The following POR variants were observed in gnomAD, a reference collection of about 807,000 sequenced individuals.
The protein encoded by POR is NADPH--cytochrome P450 reductase.
POR carries 56 observed loss-of-function variants against 84.0 expected under a neutral mutation model. The ratio of observed to expected loss-of-function variants is 0.67; its 90% confidence interval spans 0.54 to 0.83. POR has a LOEUF of 0.83. Among genes scored for constraint, POR ranks in the 40% least tolerant of loss-of-function variants. The probability of loss-of-function intolerance (pLI) is 0.00; values close to 1 mark genes in which losing one functional copy is unlikely to be tolerated. For missense variants in POR, 938 were observed against 944.3 expected, an observed-to-expected ratio of 0.99 and a Z score of 0.09; for synonymous variants, 414 against 400.5, an observed-to-expected ratio of 1.03 and a Z score of -0.40.
Position 75,986,161 on chromosome 7 carries a change from C to A in POR, c.1818C>A (p.Val606=). 1 of 1,610,194 alleles carries A rather than the reference C, an allele frequency of 6.2e-7. No individual in the cohort carries two copies. Among genetic ancestry groups the A allele is most frequent in the Non-Finnish European group, 8.5e-7 (1 of 1,178,710 alleles). ...CACAGCACCACCCTTGGCCCCAGGT[C>A]TACGTCCAGCACCTGCTAAAGCAAG... The change falls in exon 15 of 16, where the codon GTC becomes GTA. Residue 606 remains valine, a splice_region_variant and synonymous_variant. Coordinates refer to ENST00000461988, the MANE Select transcript of POR (RefSeq NM_000941.3).
chr7:75,980,635 T>C, intron 5 of POR, 147 bp downstream of exon 5: 1 of 1,569,794 alleles, frequency 6.4e-7, no homozygotes, highest in Non-Finnish European at 8.6e-7. Flanking sequence ...CCCTCTCCTC[T>C]GCCCCAGACC....
chr7:75,928,933 G>A (rs1393172198), intron 1 of POR, among the ~76,000 whole-genome samples: 2 of 152,088 alleles, frequency 1.3e-5, no homozygotes, highest in Non-Finnish European at 1.5e-5. Flanking sequence ...TCAGTCTAAA[G>A]GAGCATCTTG....
Position 75,982,677 on chromosome 7 carries a change from G to A in POR, c.830+355G>A, listed in dbSNP as rs185728864. On this transcript the variant is annotated intron_variant, in intron 8 of 15. Transcript: ENST00000461988. The stretch of plus-strand genomic sequence containing the variant: ...GATAGACTTGGGGGAGAAACCTGGC[G>A]TTCCTCTCTGTGCCCTTGATGGCCC... Among the ~76,000 whole-genome samples the A allele has an allele frequency of 3.1e-3, 466 of 152,308 alleles. 4 individuals are homozygous for A. Among genetic ancestry groups the A allele is most frequent in the African/African-American group, 0.01 (436 of 41,558 alleles).
chr7:75,915,487 C>T (rs1204110144), intron 1 of POR: 4 of 152,412 alleles, frequency 2.6e-5, no homozygotes, highest in East Asian at 3.9e-4. Flanking sequence ...TATCTCAGGG[C>T]TCGGGGTCCA....
At chr7:75,927,464 AAAC>A (rs1340352828) in intron 1 of POR, among the ~76,000 whole-genome samples, 11 of 151,948 alleles carry the variant, frequency 7.2e-5, no homozygotes, top group Admixed American at 4.6e-4. Flanking sequence ...CTCAAAAAAA[AAAC>A]AACAACAAAA....
In POR at chr7:75,930,662, A is replaced by G. The variant is rs1046752524; in HGVS notation, c.-5+15483A>G. Among the ~76,000 whole-genome samples, 4 of 151,894 alleles carry G rather than the reference A, an allele frequency of 2.6e-5. No individual in the cohort carries two copies. The South Asian group carries it at 8.3e-4, about 31-fold the overall frequency. On this transcript the variant is annotated intron_variant, in intron 1 of 15. Transcript: ENST00000461988. ...CTCAGCCTCCCAAGTAGCTGGAATT[A>G]CAAGCATGTGCCACCACGCCCGTCT...
At chr7:75,953,961 G>T in intron 1 of POR, 28 bp from the exon 2 acceptor site, 1 of 1,530,508 alleles carries the variant, frequency 6.5e-7, no homozygotes, top group South Asian at 1.2e-5. Flanking sequence ...ACCCTCTGCT[G>T]ACATCTGCTG....
chr7:75,975,239 T>G (rs1788625208), intron 3 of POR, among the ~76,000 whole-genome samples: 2 of 152,218 alleles, frequency 1.3e-5, no homozygotes, highest in African/African-American at 4.8e-5. Flanking sequence ...TATCCTGATG[T>G]AAGATGTGAG....
In POR at chr7:75,937,495, AAAG is replaced by A. The variant is rs1330811482; in HGVS notation, c.-4-16490_-4-16488del. Among the ~76,000 whole-genome samples, 302 of 148,162 alleles carry A rather than the reference AAAG, an allele frequency of 2.0e-3. 4 individuals carry two copies. The highest frequency in any genetic ancestry group is 6.1e-3 in the African/African-American group (241 of 39,668). Reference sequence around the variant, plus strand: ...TCAAAAAAAAAAAAAAAAAAAAAAAAAAGAAGGCCGTGTTTGGTGGCTCACGTC... The same window carrying A: ...TCAAAAAAAAAAAAAAAAAAAAAAAAAAGGCCGTGTTTGGTGGCTCACGTC... On this transcript the variant is annotated intron_variant, in intron 1 of 15. Transcript: ENST00000461988.
chr7:75,944,061 C>A, intron 1 of POR: 1 of 267,084 alleles, frequency 3.7e-6, no homozygotes, highest in Non-Finnish European at 7.7e-6. Context: ...ACTTCATCAC[C>A]ACCTGGCGGA....
intron 5 of POR, 198 bp from the exon 6 acceptor site, chr7:75,980,850 G>A (rs1300994175): frequency 1.8e-6 from 2 of 1,097,922 alleles, no homozygotes; most frequent in Non-Finnish European, 2.5e-6. Context: ...GGGGCAGGCT[G>A]TGGGCTGCAG....
intron 1 of POR, among the ~76,000 whole-genome samples, chr7:75,936,749 A>G (rs1001954340): frequency 2.6e-5 from 4 of 151,600 alleles, no homozygotes; most frequent in Non-Finnish European, 4.4e-5. Flanking sequence ...GCAGAAGCCG[A>G]CTTCAGAACT....
chr7:75,944,320 A>G (rs1787082538), intron 1 of POR, among the ~76,000 whole-genome samples: 1 of 152,216 alleles, frequency 6.6e-6, no homozygotes, highest in African/African-American at 2.4e-5. Context: ...TGAGGCCAGG[A>G]GTTTGAGACC....
intron 1 of POR, among the ~76,000 whole-genome samples, chr7:75,939,357 C>T (rs374854934): frequency 2.6e-5 from 4 of 152,180 alleles, no homozygotes; most frequent in African/African-American, 7.2e-5. Flanking sequence ...AGCCCTCGTG[C>T]GGGTTCCAGG....
chr7:75,985,167 G>A lies in POR; in HGVS notation c.1358G>A (p.Arg453His), dbSNP rs375535318. Residue 453 changes from arginine (R) to histidine (H), a missense_variant, in exon 12 of 16, where the codon CGC (arginine) becomes CAC (histidine). Coordinates refer to ENST00000461988, the MANE Select transcript of POR (RefSeq NM_000941.3). ...GACCACCTGTGTGAGCTGCTGCCGCGCCTGCAGGCCCGCTACTACTCCATC... is the reference window on the plus strand; with the variant it reads ...GACCACCTGTGTGAGCTGCTGCCGCACCTGCAGGCCCGCTACTACTCCATC... 107 of 1,598,878 alleles carry A rather than the reference G, an allele frequency of 6.7e-5. No homozygotes were observed. The highest frequency in any genetic ancestry group is 8.2e-5 in the Non-Finnish European group (97 of 1,179,198).
At chr7:75,916,718 C>T (rs1437830076) in intron 1 of POR, among the ~76,000 whole-genome samples, 6 of 152,140 alleles carry the variant, frequency 3.9e-5, no homozygotes, top group Non-Finnish European at 5.9e-5. Context: ...TCAGGTCTAG[C>T]ACTTGAAGAA....
intron 1 of POR, 30 bp from the exon 2 acceptor site, chr7:75,953,959 C>A: frequency 6.6e-7 from 1 of 1,524,396 alleles, no homozygotes; most frequent in Non-Finnish European, 8.9e-7. Flanking sequence ...CTACCCTCTG[C>A]TGACATCTGC....
intron 1 of POR, among the ~76,000 whole-genome samples, chr7:75,926,885 A>G (rs534294465): frequency 4.1e-4 from 63 of 152,316 alleles, no homozygotes; most frequent in African/African-American, 1.4e-3. Flanking sequence ...AGCTCCACCC[A>G]GACACGAGAC....
In POR at chr7:75,917,072, C is replaced by CT. The variant is rs557927022; in HGVS notation, c.-5+1905dup. ...TAAAAATAATTTAGCTTTTAAGTAA[C>CT]TTTTTTTTTTTTGTGAGACAGGTCT... is the stretch of plus-strand genomic sequence containing the variant. On this transcript the variant is annotated intron_variant, in intron 1 of 15. Transcript: ENST00000461988. Among the ~76,000 whole-genome samples the CT allele has an allele frequency of 4.2e-3, 617 of 146,456 alleles. 3 individuals carry two copies. Among genetic ancestry groups the CT allele is most frequent in the South Asian group, 0.018 (85 of 4,636 alleles).
Sources: allele counts gnomAD v4.1 joint callset (sites outside exome capture counted in the v4.1 genomes callset), GRCh38; gene constraint gnomAD v4.1.1; transcripts MANE v1.5; gene names NCBI Gene and HGNC (gene_info 2026-07-23, HGNC 2026-07-21).